ARID1B: variants seen among roughly 807,000 people sequenced by gnomAD.
ARID1B encodes AT-rich interaction domain 1B, also known as AT-rich interactive domain-containing protein 1B.
ARID1B carries 30 observed loss-of-function variants against 212.3 expected under a neutral mutation model. The ratio of observed to expected loss-of-function variants is 0.14; its 90% CI spans 0.11 to 0.19. The LOEUF (loss-of-function observed/expected upper bound fraction) is 0.19, where lower values mean the gene tolerates loss of function less well. ARID1B is among the 10% of genes least tolerant of loss of function. ARID1B has a pLI of 1.00. For missense variants in ARID1B, 2,891 were observed against 3,204.0 expected, an observed-to-expected ratio of 0.90 and a Z score of 2.36; for synonymous variants, 1,402 against 1,301.7, an observed-to-expected ratio of 1.08 and a Z score of -1.66.
chr6:156,799,232 A>C (rs943350397), intron 1 of ARID1B, among the ~76,000 whole-genome samples: 2 of 152,334 alleles, frequency 1.3e-5, no homozygotes, highest in Middle Eastern at 3.4e-3. Context: ...GCACTGTGCT[A>C]AGAACTCTAT....
chr6:157,207,347 C>A lies in ARID1B; in HGVS notation c.6575C>A (p.Thr2192Asn), dbSNP rs1287599940. 1 of 1,614,200 alleles carries A rather than the reference C, an allele frequency of 6.2e-7. No individual in the cohort carries two copies. Among genetic ancestry groups the A allele is most frequent in the Non-Finnish European group, 8.5e-7 (1 of 1,180,026 alleles). Residue 2192 changes from threonine (T) to asparagine (N), a missense_variant, in exon 20 of 20, where the codon ACT becomes AAT. Transcript: ENST00000636930. This position sits in a 1 kb window ranked among gnomAD's most constrained non-coding sequence, Gnocchi z 8.5. Reference protein sequence around the residue: ...PSAEAQDPFPTVGPNSVLSPQ... With the variant: ...PSAEAQDPFPNVGPNSVLSPQ... ...GCAGAGGCACAAGATCCCTTTCCAA[C>A]TGTGGGACCCAACTCGGTCCTGTCG...
At chr6:156,989,181 C>T (rs1351837783) in intron 4 of ARID1B, among the ~76,000 whole-genome samples, 2 of 152,206 alleles carry the variant, frequency 1.3e-5, no homozygotes, top group Non-Finnish European at 2.9e-5. Flanking sequence ...GATTATTTCA[C>T]TCCCTGGTTG....
chr6:156,807,269 C>T lies in ARID1B; in HGVS notation c.1792-21958C>T, dbSNP rs995821033. On this transcript the variant is annotated intron_variant, in intron 1 of 19. Transcript: ENST00000636930. ...AAGAGCCCAGGGTGAAGGGAGCCAG[C>T]GGATCACGTGGTGTCGGAAACGCCT... Among the ~76,000 whole-genome samples, 5 of 152,122 alleles carry T rather than the reference C, an allele frequency of 3.3e-5. No individual in the cohort carries two copies. In the South Asian group the frequency reaches 1.0e-3, roughly 32 times the overall value.
chr6:156,961,039 C>T (rs907368957), intron 4 of ARID1B, among the ~76,000 whole-genome samples: 1 of 152,144 alleles, frequency 6.6e-6, no homozygotes, highest in African/African-American at 2.4e-5. Context: ...TTTATGTGTT[C>T]CCACAGAAAA....
intron 2 of ARID1B, among the ~76,000 whole-genome samples, chr6:156,897,377 G>A (rs1298852557): frequency 5.9e-5 from 9 of 151,308 alleles, no homozygotes; most frequent in African/African-American, 2.2e-4. Flanking sequence ...AGGTTCAAGC[G>A]ATTTTCCTGC....
At position 156,935,547 on chromosome 6, in the gene ARID1B, A is replaced by G. The variant is rs781146492; in HGVS notation, c.2218A>G (p.Ile740Val). 6.2e-7 allele frequency: 1 copy of G among 1,613,406 alleles called. No individual in the cohort carries two copies. The highest frequency in any genetic ancestry group is 8.5e-7 in the Non-Finnish European group (1 of 1,179,344). The change falls in exon 4 of 20, where the codon ATA becomes GTA. Residue 740 changes from isoleucine to valine, a missense_variant. Around this residue, in one of 7 missense-constraint regions of ARID1B, gnomAD observed 1,643 missense variants for 1,544.0 expected, o/e 1.06. Coordinates refer to ENST00000636930, the MANE Select transcript of ARID1B (RefSeq NM_001374828.1). ...ACCTAACCATGAAGACTTGAACTTA[A>G]TACAGCAAGAAAGACCATCAAGTTT... ...GKPNHEDLNL[I>V]QQERPSSLPD...
intron 5 of ARID1B, among the ~76,000 whole-genome samples, chr6:157,086,564 G>GT (rs1394545477): frequency 6.6e-6 from 1 of 152,204 alleles, no homozygotes; most frequent in East Asian, 1.9e-4. Flanking sequence ...CTTTCTTGAG[G>GT]TATAAAGATA....
chr6:157,118,025 A>G (rs1386146439), intron 6 of ARID1B, among the ~76,000 whole-genome samples: 1 of 152,188 alleles, frequency 6.6e-6, no homozygotes, highest in Non-Finnish European at 1.5e-5. Context: ...GGGCATTTAG[A>G]TAGAAATATG....
chr6:156,965,365 C>T (rs9480417), intron 4 of ARID1B, among the ~76,000 whole-genome samples: 11 of 152,114 alleles, frequency 7.2e-5, no homozygotes, highest in Admixed American at 6.5e-4. Context: ...CAGATGTGCC[C>T]GTTGTTCTGA....
intron 3 of ARID1B, among the ~76,000 whole-genome samples, chr6:156,904,198 A>G (rs968896696): frequency 2.6e-5 from 4 of 152,126 alleles, no homozygotes; most frequent in Admixed American, 1.3e-4. Context: ...CCCTATTTTT[A>G]CACAAATGAT....
intron 4 of ARID1B, among the ~76,000 whole-genome samples, chr6:157,008,172 G>A (rs902998624): frequency 4.0e-5 from 6 of 151,598 alleles, no homozygotes; most frequent in Admixed American, 3.9e-4. Flanking sequence ...ATAACATAAA[G>A]TTTACCATTT....
intron 1 of ARID1B, among the ~76,000 whole-genome samples, chr6:156,827,037 G>A (rs939089003): frequency 2.0e-5 from 3 of 152,082 alleles, no homozygotes; most frequent in Admixed American, 2.0e-4. Flanking sequence ...ATCAATTAAT[G>A]TGCTGGGTAC....
At chr6:156,840,504 C>T (rs559858603) in intron 2 of ARID1B, among the ~76,000 whole-genome samples, 18 of 152,278 alleles carry the variant, frequency 1.2e-4, no homozygotes, top group African/African-American at 2.2e-4. Context: ...AAGAAGTTGC[C>T]GAATCCTAGA....
intron 3 of ARID1B, among the ~76,000 whole-genome samples, chr6:156,915,076 G>GAAACATAGT (rs1482737036): frequency 6.6e-6 from 1 of 152,128 alleles, no homozygotes; most frequent in Admixed American, 6.5e-5. Flanking sequence ...TTTATTTGCT[G>GAAACATAGT]AAACATAGTA....
chr6:156,909,946 A>T (rs1199919009), intron 3 of ARID1B, among the ~76,000 whole-genome samples: 1 of 152,216 alleles, frequency 6.6e-6, no homozygotes. Flanking sequence ...ATTGTGATGG[A>T]CAGATAAAGC....
chr6:156,947,546 G>A (rs1397883390), intron 4 of ARID1B, among the ~76,000 whole-genome samples: 1 of 151,180 alleles, frequency 6.6e-6, no homozygotes, highest in Non-Finnish European at 1.5e-5. Flanking sequence ...GGGTTACCAC[G>A]TTGAGCACCA....
chr6:157,030,647 C>G (rs1780962899), intron 4 of ARID1B, among the ~76,000 whole-genome samples: 2 of 152,196 alleles, frequency 1.3e-5, no homozygotes, highest in African/African-American at 4.8e-5. Context: ...TTAAATTTAA[C>G]AGCCTTGAAT....
At chr6:157,140,983 C>T (rs1789305675) in intron 7 of ARID1B, 5 of 264,442 alleles carry the variant, frequency 1.9e-5, no homozygotes, top group Non-Finnish European at 3.5e-5. Context: ...CTGCTGAATC[C>T]CCAGCATTTA....
chr6:156,936,551 G>A (rs2128277887), intron 4 of ARID1B: 1 of 149,214 alleles, frequency 6.7e-6, no homozygotes, highest in East Asian at 2.0e-4. Context: ...GAATAAATCT[G>A]CAGGAGGCTG....
Sources: allele counts gnomAD v4.1 joint callset (sites outside exome capture counted in the v4.1 genomes callset), GRCh38; gene constraint gnomAD v4.1.1; regional missense constraint gnomAD v4.1.1; non-coding constraint Gnocchi (gnomAD v3.1); transcripts MANE v1.5; gene names NCBI Gene and HGNC (gene_info 2026-07-23, HGNC 2026-07-21).